GABRG3: variants seen among roughly 807,000 people sequenced by gnomAD.
GABRG3 encodes the protein gamma-aminobutyric acid type A receptor subunit gamma3.
Under a neutral mutation model 48.8 loss-of-function variants are expected in GABRG3, and 25 were observed. The observed-to-expected ratio is 0.51, with a 90% CI of 0.37 to 0.72. The LOEUF is 0.72. GABRG3 is among the 30% of genes least tolerant of loss of function. The pLI is 0.00. For synonymous variants in GABRG3, 227 were observed against 217.6 expected (o/e 1.04, Z -0.38); for missense variants, 394 against 577.9 (o/e 0.68, Z 3.26).
At chr15:27,254,683 A>T (rs1890558342) in intron 3 of GABRG3, among the ~76,000 whole-genome samples, 1 of 152,046 alleles carries the variant, frequency 6.6e-6, no homozygotes, top group Non-Finnish European at 1.5e-5. Context: ...AAGAGTGCAG[A>T]TCCCATTTGT....
At chr15:27,305,277 T>G (rs547567828) in intron 3 of GABRG3, among the ~76,000 whole-genome samples, 1 of 151,560 alleles carries the variant, frequency 6.6e-6, no homozygotes, top group South Asian at 2.1e-4. Context: ...TTAAAATAAC[T>G]CCAGAATTGA....
intron 3 of GABRG3, among the ~76,000 whole-genome samples, chr15:27,266,425 A>G (rs1407486943): frequency 6.6e-6 from 1 of 152,036 alleles, no homozygotes; most frequent in Non-Finnish European, 1.5e-5. Flanking sequence ...TCTTTATCAC[A>G]CTGTCTGGAT....
At chr15:27,237,924 CT>C (rs1380273703) in intron 3 of GABRG3, among the ~76,000 whole-genome samples, 1 of 152,122 alleles carries the variant, frequency 6.6e-6, no homozygotes, top group Non-Finnish European at 1.5e-5. Context: ...ATATTTACAC[CT>C]GTTATGCTTA....
intron 3 of GABRG3, among the ~76,000 whole-genome samples, chr15:27,315,291 A>C (rs2140510412): frequency 6.6e-6 from 1 of 152,336 alleles, no homozygotes; most frequent in South Asian, 2.1e-4. Flanking sequence ...CTGAGTGCTT[A>C]CTTTACAGTG....
intron 3 of GABRG3, among the ~76,000 whole-genome samples, chr15:27,099,405 G>A (rs558351174): frequency 6.6e-6 from 1 of 152,282 alleles, no homozygotes; most frequent in Non-Finnish European, 1.5e-5. Flanking sequence ...CTAGGTGGCT[G>A]TTGTCTTCCT....
intron 3 of GABRG3, among the ~76,000 whole-genome samples, chr15:27,135,314 G>A (rs1215564470): frequency 4.6e-5 from 7 of 152,204 alleles, no homozygotes; most frequent in Admixed American, 4.6e-4. Context: ...ATAAGAGCCA[G>A]TGTGGCCAGG....
chr15:26,979,536 T>TA (rs562895793), intron 2 of GABRG3, among the ~76,000 whole-genome samples: 77 of 152,284 alleles, frequency 5.1e-4, no homozygotes, highest in African/African-American at 1.7e-3. Context: ...AGTATTCTGA[T>TA]ACATTAAAAA....
intron 3 of GABRG3, among the ~76,000 whole-genome samples, chr15:27,279,851 G>A (rs532261716): frequency 1.3e-5 from 2 of 152,212 alleles, no homozygotes; most frequent in East Asian, 3.9e-4. Flanking sequence ...TTAGAGCAGT[G>A]ACATCTGAAA....
intron 3 of GABRG3, among the ~76,000 whole-genome samples, chr15:27,280,761 G>A (rs1891407053): frequency 1.3e-5 from 2 of 152,120 alleles, no homozygotes; most frequent in South Asian, 4.2e-4. Flanking sequence ...CGGTTTATGT[G>A]GGTAAATGTT....
chr15:27,086,288 C>T (rs995503987), intron 3 of GABRG3, among the ~76,000 whole-genome samples: 2 of 152,120 alleles, frequency 1.3e-5, no homozygotes, highest in Non-Finnish European at 2.9e-5. Context: ...CTGTGAGCAG[C>T]CTGCTCCTAC....
chr15:27,350,217 G>T (rs138276599), intron 5 of GABRG3: 18,837 of 455,404 alleles, frequency 0.041, 1,320 homozygotes, highest in African/African-American at 0.2. Context: ...TCACCTCCTC[G>T]GAGACTCGCT....
At chr15:27,306,178 CATATA>C (rs917518441) in intron 3 of GABRG3, among the ~76,000 whole-genome samples, 20 of 128,892 alleles carry the variant, frequency 1.6e-4, no homozygotes, top group Admixed American at 3.4e-4. Context: ...TATATATAAA[CATATA>C]ATATAAACAT....
At chr15:27,206,162 T>C (rs1275012624) in intron 3 of GABRG3, among the ~76,000 whole-genome samples, 1 of 152,200 alleles carries the variant, frequency 6.6e-6, no homozygotes. Flanking sequence ...TAATTTGAGA[T>C]CTTTCTAACT....
chr15:27,331,305 C>T (rs2140521635), intron 5 of GABRG3, among the ~76,000 whole-genome samples: 1 of 152,288 alleles, frequency 6.6e-6, no homozygotes, highest in African/African-American at 2.4e-5. Context: ...TTTATAGCAG[C>T]TTTCTTCATA....
intron 5 of GABRG3, among the ~76,000 whole-genome samples, chr15:27,427,831 A>G (rs1175925889): frequency 6.6e-6 from 1 of 152,074 alleles, no homozygotes; most frequent in Non-Finnish European, 1.5e-5. Flanking sequence ...CATCCCTCCC[A>G]TCCTCTGGAG....
chr15:27,355,325 A>T (rs910588158), intron 5 of GABRG3, among the ~76,000 whole-genome samples: 3 of 152,262 alleles, frequency 2.0e-5, no homozygotes, highest in African/African-American at 7.2e-5. Flanking sequence ...AAGGGTTTGA[A>T]TAGACATTTC....
At chr15:27,088,281 G>GGGGGCGGGCGC (rs1897121126) in intron 3 of GABRG3, among the ~76,000 whole-genome samples, 1 of 151,754 alleles carries the variant, frequency 6.6e-6, no homozygotes, top group Non-Finnish European at 1.5e-5. Context: ...GGGCGGGCGC[G>GGGGGCGGGCGC]GGCCAGGAGT....
At position 27,403,210 on chromosome 15, in the gene GABRG3, C is replaced by CAA. The variant is rs36025515; in HGVS notation, c.574+74330_574+74331dup. 4.3e-3 allele frequency among the ~76,000 whole-genome samples: 638 copies of CAA among 149,210 alleles called. 2 individuals are homozygous for CAA. The highest frequency in any genetic ancestry group is 0.015 in the African/African-American group (601 of 40,788). On this transcript the variant is annotated intron_variant, in intron 5 of 9. Coordinates refer to ENST00000615808, the MANE Select transcript of GABRG3 (RefSeq NM_033223.5). ...AGAAGATTGGCCAGAATAAAATGAC[C>CAA]AAAAAAAAATGTTGAAAAGTTAAAG...
intron 3 of GABRG3, among the ~76,000 whole-genome samples, chr15:27,230,323 A>T (rs1217946045): frequency 1.3e-5 from 2 of 152,144 alleles, no homozygotes; most frequent in Non-Finnish European, 2.9e-5. Context: ...CCTGGTTTTT[A>T]AAAAAATAGT....
Sources: allele counts gnomAD v4.1 joint callset (sites outside exome capture counted in the v4.1 genomes callset), GRCh38; gene constraint gnomAD v4.1.1; transcripts MANE v1.5; gene names NCBI Gene and HGNC (gene_info 2026-07-23, HGNC 2026-07-21).